CHN1: variants seen among roughly 807,000 people sequenced by gnomAD.
The protein encoded by CHN1 is N-chimaerin.
CHN1 carries 37 observed loss-of-function variants against 59.5 expected under a neutral mutation model. The observed-to-expected ratio is 0.62, with a 90% CI of 0.48 to 0.82. The LOEUF (loss-of-function observed/expected upper bound fraction) is 0.82. Ranked by LOEUF, CHN1 falls within the 40% of genes least tolerant of loss-of-function variation. The pLI, the probability that CHN1 is intolerant of heterozygous loss-of-function variation, is 0.00. For synonymous variants in CHN1, 206 were observed against 200.4 expected, an observed-to-expected ratio of 1.03 and a Z score of -0.24; for missense variants, 469 against 571.0, an observed-to-expected ratio of 0.82 and a Z score of 1.82.
intron 7 of CHN1, among the ~76,000 whole-genome samples, chr2:174,842,282 G>A (rs552649305): frequency 6.6e-6 from 1 of 152,134 alleles, no homozygotes; most frequent in East Asian, 1.9e-4. Flanking sequence ...TATGAAAGAG[G>A]TGATAGACAC....
chr2:174,875,775 T>C (rs1310276554), intron 6 of CHN1: 1 of 978,150 alleles, frequency 1.0e-6, no homozygotes, highest in East Asian at 1.1e-4. Context: ...TAAACATGAT[T>C]GTCTTTACTT....
chr2:174,961,065 C>T, intron 1 of CHN1, among the ~76,000 whole-genome samples: 1 of 150,658 alleles, frequency 6.6e-6, no homozygotes, highest in Non-Finnish European at 1.5e-5. Flanking sequence ...GAAGTGGAGG[C>T]TGCAGTAAGC....
intron 8 of CHN1, chr2:174,821,747 C>T (rs1349573998): frequency 2.2e-6 from 1 of 461,940 alleles, no homozygotes; most frequent in Admixed American, 2.4e-5. Context: ...GAACCTGCTG[C>T]CAGCTTGATC....
chr2:174,869,007 T>C (rs891029677), intron 6 of CHN1, among the ~76,000 whole-genome samples: 1 of 152,168 alleles, frequency 6.6e-6, no homozygotes, highest in African/African-American at 2.4e-5. Flanking sequence ...ACTGTGATCA[T>C]GAGTATCACC....
chr2:175,000,848 G>A (rs1574261412), intron 1 of CHN1, among the ~76,000 whole-genome samples: 2 of 152,254 alleles, frequency 1.3e-5, no homozygotes, highest in South Asian at 4.1e-4. Flanking sequence ...GCCCCCCAAA[G>A]TGCCAGGAGG....
At chr2:175,004,659 C>T (rs1692000969) in intron 1 of CHN1, among the ~76,000 whole-genome samples, 1 of 152,156 alleles carries the variant, frequency 6.6e-6, no homozygotes, top group African/African-American at 2.4e-5. Flanking sequence ...TCTGAGCCTC[C>T]CAGCCGAGAA....
chr2:174,974,188 CAAAT>C (rs891212813), intron 1 of CHN1, among the ~76,000 whole-genome samples: 2 of 152,048 alleles, frequency 1.3e-5, no homozygotes, highest in African/African-American at 4.8e-5. Flanking sequence ...TTAAAATATT[CAAAT>C]AGAGTCTTCT....
At chr2:175,003,447 T>C (rs1691953279) in intron 1 of CHN1, among the ~76,000 whole-genome samples, 1 of 152,226 alleles carries the variant, frequency 6.6e-6, no homozygotes, top group South Asian at 2.1e-4. Flanking sequence ...TTCACCCCAA[T>C]TTATCTTTTT....
chr2:175,001,529 G>A (rs982388000), intron 1 of CHN1, among the ~76,000 whole-genome samples: 5 of 152,186 alleles, frequency 3.3e-5, no homozygotes, highest in African/African-American at 1.2e-4. Flanking sequence ...AGGAAAGATG[G>A]TACAAAATTA....
intron 12 of CHN1, 43 bp from the exon 13 acceptor site, chr2:174,800,330 A>G (rs779211216): frequency 4.4e-6 from 6 of 1,364,638 alleles, no homozygotes; most frequent in Admixed American, 2.7e-5. Context: ...TGTGTAAGCC[A>G]TATGTTCTTC....
chr2:174,977,328 TCATTA>T (rs1205163955), intron 1 of CHN1, among the ~76,000 whole-genome samples: 1 of 152,238 alleles, frequency 6.6e-6, no homozygotes, highest in Non-Finnish European at 1.5e-5. Context: ...TTAACCATTA[TCATTA>T]GAGTCCAGAG....
At chr2:174,844,993 C>T (rs1184714094) in intron 7 of CHN1, among the ~76,000 whole-genome samples, 1 of 152,004 alleles carries the variant, frequency 6.6e-6, no homozygotes, top group Non-Finnish European at 1.5e-5. Flanking sequence ...ATCTTTAAAG[C>T]AGTTTAGATA....
At chr2:174,818,001 G>T (rs1302668117) in intron 8 of CHN1, among the ~76,000 whole-genome samples, 1 of 151,994 alleles carries the variant, frequency 6.6e-6, no homozygotes, top group East Asian at 1.9e-4. Context: ...TTGAACTCCT[G>T]ACCTCAGATG....
At chr2:174,904,924 T>C (rs1688499810) in intron 5 of CHN1, among the ~76,000 whole-genome samples, 1 of 152,114 alleles carries the variant, frequency 6.6e-6, no homozygotes, top group Non-Finnish European at 1.5e-5. Context: ...TACATTGAAG[T>C]CCTTGAGCCA....
chr2:174,977,834 T>G (rs1405240420), intron 1 of CHN1, among the ~76,000 whole-genome samples: 1 of 152,188 alleles, frequency 6.6e-6, no homozygotes, highest in Non-Finnish European at 1.5e-5. Context: ...TTATCAAAAT[T>G]TATTAACATT....
intron 1 of CHN1, among the ~76,000 whole-genome samples, chr2:174,958,254 C>T (rs1690279458): frequency 6.6e-6 from 1 of 152,182 alleles, no homozygotes; most frequent in Non-Finnish European, 1.5e-5. Context: ...TGCATTTCTC[C>T]TGGACGCTGT....
chr2:174,822,729 T>C (rs370359800), intron 8 of CHN1, among the ~76,000 whole-genome samples: 15 of 152,350 alleles, frequency 9.8e-5, no homozygotes, highest in African/African-American at 3.4e-4. Context: ...ACCTCCACTT[T>C]ATCAACACTT....
chr2:174,973,741 C>T (rs1174406341), intron 1 of CHN1, among the ~76,000 whole-genome samples: 1 of 152,184 alleles, frequency 6.6e-6, no homozygotes, highest in African/African-American at 2.4e-5. Flanking sequence ...GTCTGGAAAC[C>T]TGTCTCTACC....
At chr2:174,847,366 T>A in intron 6 of CHN1, 2 of 1,261,084 alleles carry the variant, frequency 1.6e-6, no homozygotes, top group Non-Finnish European at 2.0e-6. Context: ...ATATTCTAGC[T>A]TCTAAAAACT....
Sources: allele counts gnomAD v4.1 joint callset (sites outside exome capture counted in the v4.1 genomes callset), GRCh38; gene constraint gnomAD v4.1.1; transcripts MANE v1.5; gene names NCBI Gene and HGNC (gene_info 2026-07-23, HGNC 2026-07-21).